DPYD: variants seen among roughly 807,000 people sequenced by gnomAD.
DPYD encodes dihydropyrimidine dehydrogenase [NADP(+)].
Under a neutral mutation model 116.2 loss-of-function variants are expected in DPYD, and 109 were observed. That is an observed-to-expected ratio of 0.94 (90% CI 0.80 to 1.10). The LOEUF is 1.10. Among genes scored for constraint, DPYD ranks in the 50% least tolerant of loss-of-function variants. The pLI is 0.00. For synonymous variants in DPYD, 440 were observed against 432.0 expected (o/e 1.02, Z -0.23); for missense variants, 1,302 against 1,254.5 (o/e 1.04, Z -0.57).
intron 8 of DPYD, among the ~76,000 whole-genome samples, chr1:97,648,374 C>A (rs1028791798): frequency 6.6e-6 from 1 of 151,930 alleles, no homozygotes; most frequent in African/African-American, 2.4e-5. Flanking sequence ...GACCGTGTTA[C>A]TTACAGGCAA....
chr1:97,503,698 T>C lies in DPYD; in HGVS notation c.1740+12028A>G, dbSNP rs1470019580. On this transcript the variant is annotated intron_variant, in intron 13 of 22. Transcript: ENST00000370192. The stretch of plus-strand genomic sequence containing the variant: ...CAATTATTTCACCTAATCAAATCCA[T>C]GCATGTTTAATCACATCTTGGCAAC... Among the ~76,000 whole-genome samples, 3 of 152,026 alleles carry C rather than the reference T, an allele frequency of 2.0e-5. No individual in the cohort carries two copies. The East Asian group carries it at 5.8e-4, about 30-fold the overall frequency.
Position 97,722,446 on chromosome 1 carries a change from G to A in DPYD, c.322-775C>T, listed in dbSNP as rs1373272555. On this transcript the variant is annotated intron_variant, in intron 4 of 22. Coordinates refer to ENST00000370192, the MANE Select transcript of DPYD (RefSeq NM_000110.4). ...TATTATTTCATTAACTGCAACAAAT[G>A]TACCATACTAATGTAGGGTGTTAAT... 2.6e-5 allele frequency among the ~76,000 whole-genome samples: 4 copies of A among 151,460 alleles called. No homozygotes were observed. The East Asian group carries it at 7.7e-4, about 29-fold the overall frequency.
At chr1:97,849,128 C>G (rs1473815735) in intron 2 of DPYD, among the ~76,000 whole-genome samples, 5 of 152,066 alleles carry the variant, frequency 3.3e-5, no homozygotes, top group African/African-American at 1.2e-4. Flanking sequence ...ATACTGAAGT[C>G]ACTTAAATAA....
chr1:97,363,338 C>T (rs78922435), intron 16 of DPYD, among the ~76,000 whole-genome samples: 8,310 of 152,100 alleles, frequency 0.055, 322 homozygotes, highest in East Asian at 0.17. Context: ...ATAGGAATGC[C>T]TTTATACTGT....
intron 3 of DPYD, among the ~76,000 whole-genome samples, chr1:97,826,365 C>A (rs909862678): frequency 2.0e-5 from 3 of 151,916 alleles, no homozygotes; most frequent in Non-Finnish European, 4.4e-5. Context: ...TTCCTTGTTC[C>A]TTGTATTTTC....
intron 1 of DPYD, among the ~76,000 whole-genome samples, chr1:97,912,280 TA>T (rs967938693): frequency 6.6e-5 from 10 of 151,286 alleles, no homozygotes; most frequent in Non-Finnish European, 1.0e-4. Flanking sequence ...TTTAAGCAAA[TA>T]AAAAAAAATT....
chr1:97,342,796 G>A (rs1026683384), intron 16 of DPYD, among the ~76,000 whole-genome samples: 2 of 152,102 alleles, frequency 1.3e-5, no homozygotes, highest in Non-Finnish European at 2.9e-5. Flanking sequence ...CAAGGATTTT[G>A]AATTGTTTTT....
intron 12 of DPYD, among the ~76,000 whole-genome samples, chr1:97,549,220 C>T (rs959476833): frequency 6.6e-6 from 1 of 152,088 alleles, no homozygotes; most frequent in Non-Finnish European, 1.5e-5. Flanking sequence ...GCGTGTGCCA[C>T]CATGCCCATC....
At chr1:97,277,811 T>C (rs1291211928) in intron 18 of DPYD, among the ~76,000 whole-genome samples, 1 of 152,204 alleles carries the variant, frequency 6.6e-6, no homozygotes, top group African/African-American at 2.4e-5. Flanking sequence ...ATTTAGAAAT[T>C]GAAATTAGAT....
chr1:97,584,195 G>A (rs993464447), intron 10 of DPYD, among the ~76,000 whole-genome samples: 1 of 151,990 alleles, frequency 6.6e-6, no homozygotes, highest in African/African-American at 2.4e-5. Flanking sequence ...TGTGTTTTTT[G>A]GCCGCATAAA....
chr1:97,801,605 C>CA (rs1203368404), intron 3 of DPYD, among the ~76,000 whole-genome samples: 1 of 151,544 alleles, frequency 6.6e-6, no homozygotes, highest in Non-Finnish European at 1.5e-5. Flanking sequence ...ATATGGTAGC[C>CA]AAAAAAGGCG....
intron 12 of DPYD, among the ~76,000 whole-genome samples, chr1:97,540,857 T>C (rs918705439): frequency 1.3e-5 from 2 of 152,062 alleles, no homozygotes; most frequent in Non-Finnish European, 1.5e-5. Context: ...CACACACACA[T>C]ACTCATCACT....
chr1:97,865,648 A>G (rs1423886071), intron 2 of DPYD, among the ~76,000 whole-genome samples: 1 of 151,972 alleles, frequency 6.6e-6, no homozygotes. Flanking sequence ...TAAGAGGTAG[A>G]TCTCAAATGA....
chr1:97,184,102 C>CT (rs1488540500), intron 20 of DPYD, among the ~76,000 whole-genome samples: 3 of 152,020 alleles, frequency 2.0e-5, no homozygotes, highest in Admixed American at 1.3e-4. Context: ...CATCTCGTTC[C>CT]TTTTTATGGT....
At chr1:97,108,098 G>T (rs1223744181) in intron 20 of DPYD, among the ~76,000 whole-genome samples, 1 of 152,120 alleles carries the variant, frequency 6.6e-6, no homozygotes, top group African/African-American at 2.4e-5. Context: ...GAGCTGCTGA[G>T]AAAACGATTA....
chr1:97,658,318 C>T (rs558442887), intron 8 of DPYD, among the ~76,000 whole-genome samples: 1 of 152,190 alleles, frequency 6.6e-6, no homozygotes, highest in Non-Finnish European at 1.5e-5. Context: ...TCTGCAAATG[C>T]TGATCAAAAT....
chr1:97,148,248 GT>G (rs1382234142), intron 20 of DPYD, among the ~76,000 whole-genome samples: 1,970 of 130,304 alleles, frequency 0.015, 50 homozygotes, highest in African/African-American at 0.049. Context: ...GTGTGTGTGT[GT>G]GTGTGGGGGG....
intron 10 of DPYD, among the ~76,000 whole-genome samples, chr1:97,581,326 C>CAAAAAA (rs1161399547): frequency 5.4e-4 from 36 of 66,592 alleles, no homozygotes; most frequent in South Asian, 9.1e-4. Flanking sequence ...GACTCAGTCT[C>CAAAAAA]AAAAAAAAAA....
At chr1:97,557,176 G>C (rs951605906) in intron 11 of DPYD, among the ~76,000 whole-genome samples, 5 of 150,928 alleles carry the variant, frequency 3.3e-5, no homozygotes, top group African/African-American at 7.3e-5. Context: ...GTCTGTTCAT[G>C]TCCTTCGCCC....
Sources: gnomAD v4.1 joint callset for allele counts (sites outside exome capture counted in the v4.1 genomes callset) on GRCh38, gnomAD v4.1.1 for gene constraint, MANE v1.5 for transcripts, NCBI Gene and HGNC (gene_info 2026-07-23, HGNC 2026-07-21) for gene names.